The following CLEC2B variants were observed in gnomAD, a reference collection of about 807,000 sequenced individuals.
CLEC2B encodes C-type lectin domain family 2 member B, also known as C-type (calcium dependent, carbohydrate-recognition domain) lectin, superfamily member 2 (activation-induced).
In CLEC2B, 14 loss-of-function variants were observed where a neutral mutation model predicts 16.2. The ratio of observed to expected loss-of-function variants is 0.86; its 90% confidence interval spans 0.57 to 1.35. The LOEUF (loss-of-function observed/expected upper bound fraction) is 1.35, where lower values mean the gene tolerates loss of function less well. Ranked by LOEUF, CLEC2B falls within the 40% of genes most tolerant of loss-of-function variation. The pLI is 0.00. For synonymous variants in CLEC2B, 42 were observed against 55.8 expected (o/e 0.75, Z 1.10); for missense variants, 166 against 182.3 (o/e 0.91, Z 0.52).
rs770779552 is a variant in CLEC2B at position 9,857,655 on chromosome 12, A to G, written c.74-18T>C. On this transcript the variant is annotated intron_variant, in intron 2 of 4. Coordinates refer to ENST00000228438, the MANE Select transcript of CLEC2B (RefSeq NM_005127.3). ...TAGTTTAACTGGAAATGAGACAAAT[A>G]TATATCTTAAGTACCATATAGAATA... is the stretch of plus-strand genomic sequence containing the variant. The G allele has an allele frequency of 4.4e-6, 7 of 1,575,916 alleles. No individual in the cohort carries two copies. In the Admixed American group the frequency reaches 6.7e-5, roughly 15 times the overall value.
chr12:9,853,337 G>C lies in CLEC2B; in HGVS notation c.413C>G (p.Thr138Ser), dbSNP rs530186204. 177 of 1,613,704 alleles carry C rather than the reference G, an allele frequency of 1.1e-4. No individual in the cohort carries two copies. The South Asian group carries it at 1.9e-3, about 17-fold the overall frequency. Residue 138 changes from threonine (T) to serine (S), a missense_variant, in exon 5 of 5, where the codon ACC becomes AGC. Transcript: ENST00000228438. ...TTTCCTGCAAATCCATTTTCTTTCGGTGTAACATCTAGCTGTTGCTGCACC... is the reference window on the plus strand; with the variant it reads ...TTTCCTGCAAATCCATTTTCTTTCGCTGTAACATCTAGCTGTTGCTGCACC... The part of the protein sequence containing the change: ...DDGAATARCY[T>S]ERKWICRKRI...
rs1209809193 is a variant in CLEC2B, at chr12:9,869,209, C to T, written c.-7G>A. On this transcript the variant is annotated 5_prime_UTR_variant, in exon 1 of 5. Coordinates refer to ENST00000228438, the MANE Select transcript of CLEC2B (RefSeq NM_005127.3). ...AACAAACAAAAATGTTCTTACCGTG[C>T]TTCTTTTAATCAGCGTTTTGATTTT... The T allele has an allele frequency of 6.6e-6, 1 of 152,138 alleles. No individual in the cohort carries two copies. Among genetic ancestry groups the T allele is most frequent in the Non-Finnish European group, 1.5e-5 (1 of 67,990 alleles). The allele number at this position is 152,138 out of a possible 1,614,324, so 9.4% of individuals were successfully genotyped here.
rs112308778 is a variant in CLEC2B at position 9,869,004 on chromosome 12, T to C, written c.-3+201A>G. Among the ~76,000 whole-genome samples the C allele has an allele frequency of 3.2e-4, 48 of 152,290 alleles. 1 individual carries two copies. The highest frequency in any genetic ancestry group is 1.1e-3 in the African/African-American group (46 of 41,578). On this transcript the variant is annotated intron_variant, in intron 1 of 4. Coordinates refer to ENST00000228438, the MANE Select transcript of CLEC2B (RefSeq NM_005127.3). The stretch of plus-strand genomic sequence containing the variant: ...TTAAGTCATGGTTAATCCTTCTCCA[T>C]TGTAATTCAAATAATGTAAAGTAAG...
intron 1 of CLEC2B, among the ~76,000 whole-genome samples, chr12:9,868,892 T>C (rs955904756): frequency 2.6e-5 from 4 of 152,154 alleles, no homozygotes; most frequent in Non-Finnish European, 5.9e-5. Context: ...CTGAGAACTG[T>C]ATGAGTATCT....
chr12:9,868,595 G>A (rs1867989809), intron 1 of CLEC2B, among the ~76,000 whole-genome samples: 2 of 152,054 alleles, frequency 1.3e-5, no homozygotes, highest in Admixed American at 1.3e-4. Flanking sequence ...TCTCAAAGAT[G>A]TAGCTTGGAT....
Position 9,854,294 on chromosome 12 carries a change from G to C in CLEC2B, c.341+87C>G, listed in dbSNP as rs149376446. On this transcript the variant is annotated intron_variant, in intron 4 of 4. Transcript: ENST00000228438. ...CTTTCTAACATGTGCAAAACTCTTG[G>C]GCTCTAGAGAAATTTAGCTAAAGCA... 6.4e-6 allele frequency: 5 copies of C among 785,242 alleles called. No individual in the cohort carries two copies. The Admixed American group carries it at 1.3e-4, about 21-fold the overall frequency. The allele number at this position is 785,242 out of a possible 1,614,324, so 48.6% of individuals were successfully genotyped here. A position where few individuals can be genotyped will look rare whatever the true frequency, so the allele number is the denominator to read the frequency against.
intron 1 of CLEC2B, among the ~76,000 whole-genome samples, chr12:9,864,163 G>GAAA (rs34581887): frequency 1.4e-5 from 2 of 141,874 alleles, no homozygotes. Context: ...TTTAAGTGCT[G>GAAA]AAAAAAAAAA....
intron 4 of CLEC2B, among the ~76,000 whole-genome samples, chr12:9,853,765 A>T (rs1186940059): frequency 6.6e-6 from 1 of 152,124 alleles, no homozygotes; most frequent in African/African-American, 2.4e-5. Flanking sequence ...TGGATAGTTT[A>T]TCCAGGGGTG....
chr12:9,865,891 G>C (rs916536321), intron 1 of CLEC2B, among the ~76,000 whole-genome samples: 2 of 152,088 alleles, frequency 1.3e-5, no homozygotes, highest in Admixed American at 6.5e-5. Flanking sequence ...TAAATAATGT[G>C]CTCCTTAACG....
At chr12:9,862,471 GA>G in intron 2 of CLEC2B, 27 bp downstream of exon 2, 1 of 1,434,252 alleles carries the variant, frequency 7.0e-7, no homozygotes, top group Non-Finnish European at 9.3e-7. Context: ...AGAAAGCCAT[GA>G]AAAATAAAAT....
intron 3 of CLEC2B, chr12:9,854,830 T>A (rs953467961): frequency 5.0e-5 from 18 of 356,854 alleles, no homozygotes; most frequent in Non-Finnish European, 7.6e-5. Flanking sequence ...ACATATTTAT[T>A]ACACTATTTG....
chr12:9,853,404 C>G lies in CLEC2B; in HGVS notation c.346G>C (p.Gly116Arg). The stretch of plus-strand genomic sequence containing the variant: ...GCACATCCTTCACTCCCTCTCATGC[C>G]AAACCTGCAACAAAGGGATTAACCA... ...VDGATFTKSFGMRGSEGCAYL... is the reference protein window; with the variant it reads ...VDGATFTKSFRMRGSEGCAYL... Residue 116 changes from glycine (G) to arginine (R), a missense_variant, in exon 5 of 5, where the codon GGC (glycine) becomes CGC (arginine). By Grantham distance (125) the Gly-to-Arg change is moderately radical. Coordinates refer to ENST00000228438, the MANE Select transcript of CLEC2B (RefSeq NM_005127.3). 1 of 1,612,276 alleles carries G rather than the reference C, an allele frequency of 6.2e-7. No homozygotes were observed. The highest frequency in any genetic ancestry group is 8.5e-7 in the Non-Finnish European group (1 of 1,178,396).
At chr12:9,854,058 C>T (rs1436506487) in intron 4 of CLEC2B, among the ~76,000 whole-genome samples, 1 of 151,644 alleles carries the variant, frequency 6.6e-6, no homozygotes, top group Non-Finnish European at 1.5e-5. Flanking sequence ...AAATAGTCAA[C>T]AAAAAGTTTA....
chr12:9,852,912 G>T lies in CLEC2B; in HGVS notation c.*388C>A. The T allele has an allele frequency of 5.4e-6, 1 of 184,760 alleles. No individual in the cohort carries two copies. Among genetic ancestry groups the T allele is most frequent in the Admixed American group, 5.6e-5 (1 of 18,010 alleles). The allele number at this position is 184,760 out of a possible 1,614,324, so 11.4% of individuals were successfully genotyped here. ...ACTTCATCTTTCCATTTATGTCTTT[G>T]TGGACTCCCAGTTTCACATTTTGTT... On this transcript the variant is annotated 3_prime_UTR_variant, in exon 5 of 5. Transcript: ENST00000228438.
At chr12:9,859,744 A>G (rs1867920131) in intron 2 of CLEC2B, among the ~76,000 whole-genome samples, 1 of 151,862 alleles carries the variant, frequency 6.6e-6, no homozygotes, top group Non-Finnish European at 1.5e-5. Context: ...ATAGTATTGA[A>G]AGAAAGAGAA....
At chr12:9,864,275 A>C (rs1358304042) in intron 1 of CLEC2B, among the ~76,000 whole-genome samples, 1 of 152,128 alleles carries the variant, frequency 6.6e-6, no homozygotes, top group Non-Finnish European at 1.5e-5. Flanking sequence ...AGAATTCACC[A>C]CCACCAGACA....
intron 3 of CLEC2B, among the ~76,000 whole-genome samples, chr12:9,856,311 G>A (rs1388987187): frequency 6.6e-6 from 1 of 151,896 alleles, no homozygotes; most frequent in African/African-American, 2.4e-5. Flanking sequence ...GGAACTGTAA[G>A]GAACAGTCAG....
intron 2 of CLEC2B, among the ~76,000 whole-genome samples, chr12:9,858,235 G>T (rs1438461086): frequency 6.6e-6 from 1 of 151,960 alleles, no homozygotes; most frequent in Non-Finnish European, 1.5e-5. Context: ...CCCTGTTGCA[G>T]TCTTGGCAGC....
At position 9,854,471 on chromosome 12, in the gene CLEC2B, C is replaced by A; in HGVS notation, c.251G>T (p.Arg84Leu). 1.2e-6 allele frequency: 2 copies of A among 1,611,610 alleles called. No homozygotes were observed. The highest frequency in any genetic ancestry group is 1.7e-6 in the Non-Finnish European group (2 of 1,177,884). The change falls in exon 4 of 5, where the codon CGG becomes CTG. Residue 84 changes from arginine to leucine, a missense_variant. Coordinates refer to ENST00000228438, the MANE Select transcript of CLEC2B (RefSeq NM_005127.3). ...CCAGTGATCAGAACTGCATTTATAC[C>A]GCCTAAGAAAATTCTTTAGAGACAA... ...DNIEEMNFLR[R>L]YKCSSDHWIG...
Sources: allele counts gnomAD v4.1 joint callset (sites outside exome capture counted in the v4.1 genomes callset), GRCh38; gene constraint gnomAD v4.1.1; transcripts MANE v1.5; gene names NCBI Gene and HGNC (gene_info 2026-07-23, HGNC 2026-07-21).